The following DNAAF11 variants were observed in gnomAD, a reference collection of about 807,000 sequenced individuals.
The protein encoded by DNAAF11 is dynein axonemal assembly factor 11, also known as leucine rich repeat containing 6.
DNAAF11 carries 45 observed loss-of-function variants against 60.8 expected under a neutral mutation model. That is an observed-to-expected ratio of 0.74 (90% CI 0.58 to 0.95). The LOEUF (loss-of-function observed/expected upper bound fraction) is 0.95, where lower values mean the gene tolerates loss of function less well. Ranked by LOEUF, DNAAF11 falls within the 40% of genes least tolerant of loss-of-function variation. The pLI, the probability that DNAAF11 is intolerant of heterozygous loss-of-function variation, is 0.00. For missense variants in DNAAF11, 546 were observed against 546.2 expected (o/e 1.00, Z 0.00); for synonymous variants, 191 against 183.5 (o/e 1.04, Z -0.33).
At position 132,610,280 on chromosome 8, in the gene DNAAF11, AAAGT is replaced by A. The variant is rs1818528381; in HGVS notation, c.1045-23_1045-20del. 1 of 1,557,768 alleles carries A rather than the reference AAAGT, an allele frequency of 6.4e-7. No homozygotes were observed. The highest frequency in any genetic ancestry group is 1.4e-5 in the African/African-American group (1 of 73,898). On this transcript the variant is annotated intron_variant, in intron 9 of 11. Transcript: ENST00000620350. Reference sequence around the variant, plus strand: ...GAAATGGCTGAAAATAAGTAGAAAGAAAGTATCATTGAGAGCAAGGACGTTACAT... The same window carrying A: ...GAAATGGCTGAAAATAAGTAGAAAGAATCATTGAGAGCAAGGACGTTACAT...
chr8:132,673,465 C>A (rs1475536893), intron 1 of DNAAF11, among the ~76,000 whole-genome samples: 2 of 152,140 alleles, frequency 1.3e-5, no homozygotes, highest in Non-Finnish European at 2.9e-5. Context: ...CCAAGCTATG[C>A]CCATGAACAA....
At chr8:132,674,160 A>AAGGAGGAGGAGGAGAAGG (rs1554613110) in intron 1 of DNAAF11, among the ~76,000 whole-genome samples, 1 of 38,916 alleles carries the variant, frequency 2.6e-5, no homozygotes, top group African/African-American at 1.0e-4. Context: ...GGAGGAGGAG[A>AAGGAGGAGGAGGAGAAGG]AGGAGAAGGA....
At chr8:132,673,545 A>T (rs1369944340) in intron 1 of DNAAF11, among the ~76,000 whole-genome samples, 1 of 152,012 alleles carries the variant, frequency 6.6e-6, no homozygotes, top group Non-Finnish European at 1.5e-5. Context: ...GTATGAGCGG[A>T]TCCCTGCCTA....
chr8:132,693,502 C>G, the DNAAF11 span, among the ~76,000 whole-genome samples: 1 of 151,378 alleles, frequency 6.6e-6, no homozygotes, highest in Admixed American at 6.6e-5. Context: ...ATACTAGGTA[C>G]TGGGCACTGT....
chr8:132,675,295 TG>T, intron 1 of DNAAF11, 188 bp downstream of exon 1: 1 of 561,614 alleles, frequency 1.8e-6, no homozygotes, highest in Non-Finnish European at 3.2e-6. Flanking sequence ...AAGGCCAGGC[TG>T]TCCGGCCAGT....
chr8:132,587,755 T>C (rs189747610), intron 10 of DNAAF11, among the ~76,000 whole-genome samples: 1 of 152,166 alleles, frequency 6.6e-6, no homozygotes, highest in Non-Finnish European at 1.5e-5. Flanking sequence ...AATTGTGGGA[T>C]AGGCATAAAG....
intron 11 of DNAAF11, among the ~76,000 whole-genome samples, chr8:132,582,076 G>A (rs1376636092): frequency 6.6e-6 from 1 of 152,198 alleles, no homozygotes; most frequent in Non-Finnish European, 1.5e-5. Context: ...GTGGACGGCT[G>A]CATCTACAGT....
intron 7 of DNAAF11, among the ~76,000 whole-genome samples, chr8:132,617,184 C>A (rs1443228399): frequency 6.6e-6 from 1 of 151,924 alleles, no homozygotes; most frequent in Non-Finnish European, 1.5e-5. Flanking sequence ...GAGGTTGGAT[C>A]GAGTTGGGAG....
chr8:132,687,564 C>T, the DNAAF11 span: 1 of 455,704 alleles, frequency 2.2e-6, no homozygotes. Context: ...AAGGCGGACC[C>T]ACACCTTCGT....
chr8:132,620,138 T>C (rs1468363381), intron 7 of DNAAF11, among the ~76,000 whole-genome samples: 1 of 152,060 alleles, frequency 6.6e-6, no homozygotes, highest in Non-Finnish European at 1.5e-5. Flanking sequence ...CCAGAGTCCA[T>C]CTGAGATCTG....
chr8:132,701,474 G>A, the DNAAF11 span, among the ~76,000 whole-genome samples: 4 of 152,144 alleles, frequency 2.6e-5, no homozygotes, highest in Admixed American at 6.5e-5. Flanking sequence ...TTTTCTGTCT[G>A]CCTTTCTGTT....
chr8:132,595,043 T>C (rs1331251504), intron 10 of DNAAF11, among the ~76,000 whole-genome samples: 5 of 152,106 alleles, frequency 3.3e-5, no homozygotes, highest in Non-Finnish European at 7.4e-5. Flanking sequence ...CCTTCCACCA[T>C]GATCTGGAGG....
intron 10 of DNAAF11, among the ~76,000 whole-genome samples, chr8:132,593,332 C>CACATATAT (rs1816660055): frequency 9.2e-6 from 1 of 108,740 alleles, no homozygotes; most frequent in African/African-American, 3.7e-5. Flanking sequence ...TATATACATA[C>CACATATAT]ATATATATAT....
chr8:132,589,058 G>A (rs985439486), intron 10 of DNAAF11, among the ~76,000 whole-genome samples: 1 of 152,080 alleles, frequency 6.6e-6, no homozygotes, highest in Admixed American at 6.6e-5. Context: ...GATTTGGGTG[G>A]GGAAACAAAT....
chr8:132,631,766 C>T (rs1485839202), intron 5 of DNAAF11, among the ~76,000 whole-genome samples: 2 of 151,452 alleles, frequency 1.3e-5, no homozygotes, highest in African/African-American at 2.4e-5. Context: ...ATTGCAAGGA[C>T]AAAAAACCAA....
At chr8:132,620,269 G>C (rs1819620074) in intron 7 of DNAAF11, among the ~76,000 whole-genome samples, 1 of 152,138 alleles carries the variant, frequency 6.6e-6, no homozygotes, top group African/African-American at 2.4e-5. Context: ...GTTTTGTGAG[G>C]TGAGGATGAT....
At chr8:132,689,257 C>T in the DNAAF11 span, among the ~76,000 whole-genome samples, 41,109 of 151,996 alleles carry the variant, frequency 0.27, 7,925 homozygotes, top group African/African-American at 0.55. Flanking sequence ...TTTCTATTGA[C>T]GGGTTTTAGA....
chr8:132,659,073 G>A (rs1184196210), intron 2 of DNAAF11, among the ~76,000 whole-genome samples: 1 of 152,206 alleles, frequency 6.6e-6, no homozygotes, highest in Admixed American at 6.5e-5. Context: ...CCACTGGGAA[G>A]CTGTTGAAAG....
chr8:132,623,144 T>C (rs1235214193), intron 6 of DNAAF11, among the ~76,000 whole-genome samples: 1 of 152,146 alleles, frequency 6.6e-6, no homozygotes, highest in African/African-American at 2.4e-5. Context: ...GAAGAATCTA[T>C]ATAAAAGGAT....
Sources: allele counts gnomAD v4.1 joint callset (sites outside exome capture counted in the v4.1 genomes callset), GRCh38; gene constraint gnomAD v4.1.1; transcripts MANE v1.5; gene names NCBI Gene and HGNC (gene_info 2026-07-23, HGNC 2026-07-21).